CFTR: variants seen among roughly 807,000 people sequenced by gnomAD.
CFTR encodes the protein cystic fibrosis transmembrane conductance regulator.
In CFTR, 181 loss-of-function variants were observed where a neutral mutation model predicts 171.6. That is an observed-to-expected ratio of 1.05 (90% CI 0.93 to 1.19). The LOEUF (loss-of-function observed/expected upper bound fraction) is 1.19, where lower values mean the gene tolerates loss of function less well. CFTR is among the 50% of genes most tolerant of loss of function. The pLI is 0.00. For synonymous variants in CFTR, 583 were observed against 608.0 expected (o/e 0.96, Z 0.60); for missense variants, 1,968 against 1,734.7 (o/e 1.13, Z -2.39).
intron 17 of CFTR, among the ~76,000 whole-genome samples, chr7:117,606,124 T>C (rs1792296736): frequency 6.6e-6 from 1 of 152,136 alleles, no homozygotes; most frequent in Non-Finnish European, 1.5e-5. Flanking sequence ...GTGATTCAGA[T>C]GACAGGTTGA....
chr7:117,590,547 G>C, intron 13 of CFTR, 108 bp downstream of exon 13: 1 of 1,344,650 alleles, frequency 7.4e-7, no homozygotes, highest in South Asian at 1.3e-5. Flanking sequence ...GTTCACCATT[G>C]TTGGTATGGC....
chr7:117,511,510 C>G (rs1414601604), intron 3 of CFTR, among the ~76,000 whole-genome samples: 2 of 152,168 alleles, frequency 1.3e-5, no homozygotes, highest in Non-Finnish European at 2.9e-5. Flanking sequence ...CTAGCAGCAC[C>G]TTTGAAGGGG....
chr7:117,661,558 A>G (rs1042550438), intron 24 of CFTR, among the ~76,000 whole-genome samples: 7 of 152,146 alleles, frequency 4.6e-5, no homozygotes, highest in Non-Finnish European at 7.3e-5. Flanking sequence ...CCCTGTTACT[A>G]TGGCCATCAC....
intron 6 of CFTR, among the ~76,000 whole-genome samples, chr7:117,536,255 C>G (rs1798953589): frequency 6.6e-6 from 1 of 152,176 alleles, no homozygotes; most frequent in South Asian, 2.1e-4. Context: ...AGTCAAGCCA[C>G]TTCACCTCAC....
At chr7:117,521,019 C>T (rs949787203) in intron 3 of CFTR, among the ~76,000 whole-genome samples, 1 of 151,856 alleles carries the variant, frequency 6.6e-6, no homozygotes, top group African/African-American at 2.4e-5. Context: ...TTATTTGAGA[C>T]TTTTAAAATA....
In CFTR at chr7:117,603,545, G is replaced by A. The variant is rs760339182; in HGVS notation, c.2671G>A (p.Asp891Asn). 2 of 1,613,892 alleles carry A rather than the reference G, an allele frequency of 1.2e-6. No homozygotes were observed. Among genetic ancestry groups the A allele is most frequent in the Non-Finnish European group, 1.7e-6 (2 of 1,179,906 alleles). Residue 891 changes from aspartate to asparagine, a missense_variant, in exon 17 of 27, where the codon GAC becomes AAC. Physicochemically the swap from Asp to Asn is conservative, Grantham distance 23. Coordinates refer to ENST00000003084, the MANE Select transcript of CFTR (RefSeq NM_000492.4). The stretch of plus-strand genomic sequence containing the variant: ...TTTGCTTTACAGCACTCCTCTTCAA[G>A]ACAAAGGGAATAGTACTCATAGTAG... The part of the protein sequence containing the change: ...LWLLGNTPLQ[D>N]KGNSTHSRNN...
chr7:117,608,221 T>C (rs1792331467), intron 18 of CFTR, among the ~76,000 whole-genome samples: 2 of 152,154 alleles, frequency 1.3e-5, no homozygotes, highest in Non-Finnish European at 2.9e-5. Flanking sequence ...TTTTTTTTAA[T>C]TGGGATGGAG....
At chr7:117,523,382 T>G (rs1798713880) in intron 3 of CFTR, among the ~76,000 whole-genome samples, 1 of 84,368 alleles carries the variant, frequency 1.2e-5, no homozygotes, top group South Asian at 5.8e-4. Context: ...TTGTTTTTTG[T>G]TTTTTTTTTT....
At chr7:117,480,178 G>A (rs761803972) in intron 1 of CFTR, 31 bp downstream of exon 1, 1 of 1,611,254 alleles carries the variant, frequency 6.2e-7, no homozygotes, top group Non-Finnish European at 8.5e-7. Flanking sequence ...GCTTCGGAAA[G>A]ACACGTGCCC....
At chr7:117,606,382 T>A (rs1429637113) in intron 17 of CFTR, among the ~76,000 whole-genome samples, 1 of 152,202 alleles carries the variant, frequency 6.6e-6, no homozygotes, top group Non-Finnish European at 1.5e-5. Context: ...ACCCACCTAT[T>A]CCTGACATAA....
chr7:117,601,865 T>C (rs1201595961), intron 15 of CFTR, among the ~76,000 whole-genome samples: 1 of 152,228 alleles, frequency 6.6e-6, no homozygotes, highest in Non-Finnish European at 1.5e-5. Context: ...ATCACAGTTG[T>C]TTAAAAAGGT....
intron 11 of CFTR, among the ~76,000 whole-genome samples, chr7:117,573,036 T>TTCTCTCTCTC (rs146811028): frequency 7.7e-4 from 111 of 144,336 alleles, no homozygotes; most frequent in African/African-American, 1.5e-3. Context: ...ACTCCACCCT[T>TTCTCTCTCTC]TCTCTCTCTC....
Position 117,666,963 on chromosome 7 carries a change from A to G in CFTR, c.4298A>G (p.Glu1433Gly). ...QYDSIQKLLN[E>G]RSLFRQAISP... ...GATTCCATCCAGAAACTGCTGAACG[A>G]GAGGAGCCTCTTCCGGCAAGCCATC... is the stretch of plus-strand genomic sequence containing the variant. The change falls in exon 27 of 27, where the codon GAG becomes GGG. Residue 1433 changes from glutamate (E) to glycine (G), a missense_variant. By Grantham distance (98) the Glu-to-Gly change is moderately conservative. Coordinates refer to ENST00000003084, the MANE Select transcript of CFTR (RefSeq NM_000492.4). The G allele has an allele frequency of 6.2e-7, 1 of 1,614,076 alleles. No homozygotes were observed. The highest frequency in any genetic ancestry group is 8.5e-7 in the Non-Finnish European group (1 of 1,179,990).
At chr7:117,503,981 C>A (rs775132225) in intron 1 of CFTR, among the ~76,000 whole-genome samples, 1 of 152,102 alleles carries the variant, frequency 6.6e-6, no homozygotes, top group Admixed American at 6.6e-5. Context: ...GAATGTTTAG[C>A]AGTTTGTTTT....
chr7:117,666,859 G>C (rs751467623), intron 26 of CFTR, 49 bp from the exon 27 acceptor site: 2 of 1,536,210 alleles, frequency 1.3e-6, no homozygotes, highest in Admixed American at 1.7e-5. Context: ...TCCCTGCTCT[G>C]GTCTGACCTG....
chr7:117,659,346 G>A (rs533661269), intron 24 of CFTR, among the ~76,000 whole-genome samples: 6 of 152,324 alleles, frequency 3.9e-5, no homozygotes, highest in Admixed American at 1.3e-4. Context: ...TGGAGTGGAA[G>A]TTCCTGGAGG....
intron 1 of CFTR, among the ~76,000 whole-genome samples, chr7:117,488,483 A>T (rs1198996122): frequency 6.6e-6 from 1 of 152,068 alleles, no homozygotes; most frequent in African/African-American, 2.4e-5. Context: ...ATAATTTTTG[A>T]CTTATAAGTC....
chr7:117,487,200 T>A (rs1221001626), intron 1 of CFTR, among the ~76,000 whole-genome samples: 3 of 152,080 alleles, frequency 2.0e-5, no homozygotes, highest in African/African-American at 7.2e-5. Flanking sequence ...TTAAAGTGAT[T>A]TAGAGCTTAG....
Position 117,592,458 on chromosome 7 carries a change from G to A in CFTR, c.2291G>A (p.Arg764Gln), listed in dbSNP as rs1417904716. The A allele has an allele frequency of 1.3e-5, 21 of 1,586,586 alleles. No individual in the cohort carries two copies. Among genetic ancestry groups the A allele is most frequent in the Admixed American group, 1.8e-5 (1 of 56,124 alleles). The change falls in exon 14 of 27, where the codon CGA (arginine) becomes CAA (glutamine). Residue 764 changes from arginine (R) to glutamine (Q), a missense_variant. By Grantham distance (43) the Arg-to-Gln change is conservative. Coordinates refer to ENST00000003084, the MANE Select transcript of CFTR (RefSeq NM_000492.4). ...AGCACTGGCCCCACGCTTCAGGCAC[G>A]AAGGAGGCAGTCTGTCCTGAACCTG... The part of the protein sequence containing the change: ...VISTGPTLQA[R>Q]RRQSVLNLMT...
Sources: allele counts gnomAD v4.1 joint callset (sites outside exome capture counted in the v4.1 genomes callset), GRCh38; gene constraint gnomAD v4.1.1; transcripts MANE v1.5; gene names NCBI Gene and HGNC (gene_info 2026-07-23, HGNC 2026-07-21).